The following SNX29 variants were observed in gnomAD, a reference collection of about 807,000 sequenced individuals.
SNX29 encodes the protein sorting nexin 29, also known as sorting nexin-29.
In SNX29, 78 loss-of-function variants were observed where a neutral mutation model predicts 102.1. The observed-to-expected ratio is 0.76, with a 90% confidence interval of 0.64 to 0.92. SNX29 has a LOEUF of 0.92. Ranked by LOEUF, SNX29 falls within the 40% of genes least tolerant of loss-of-function variation. The pLI is 0.00. For synonymous variants in SNX29, 580 were observed against 414.5 expected (o/e 1.40, Z -4.85); for missense variants, 1,280 against 1,061.7 (o/e 1.21, Z -2.86).
In SNX29 at chr16:12,091,362, GT is replaced by G. The variant is rs554917730; in HGVS notation, c.1402+12450del. On this transcript the variant is annotated intron_variant, in intron 11 of 20. Coordinates refer to ENST00000566228, the MANE Select transcript of SNX29 (RefSeq NM_032167.5). Reference sequence around the variant, plus strand: ...ATGTCCCCTTTGCTATAGACTGAATGTTTGTGTGCCCCTAAAATTCCTAGGT... The same window carrying G: ...ATGTCCCCTTTGCTATAGACTGAATGTTGTGTGCCCCTAAAATTCCTAGGT... Among the ~76,000 whole-genome samples, 476 of 152,272 alleles carry G rather than the reference GT, an allele frequency of 3.1e-3. 2 individuals are homozygous for G. The highest frequency in any genetic ancestry group is 0.011 in the African/African-American group (459 of 41,554).
rs759320201 is a variant in SNX29, at chr16:12,524,783, C to T, written c.2260C>T (p.Pro754Ser). The T allele has an allele frequency of 1.2e-6, 2 of 1,613,710 alleles. No individual in the cohort carries two copies. The highest frequency in any genetic ancestry group is 1.7e-5 in the Admixed American group (1 of 59,982). ...CATGAACAAAGTCATCCAGATGGTC[C>T]CCGAGTTCGCTGCCAGCCCCAAGAA... is the stretch of plus-strand genomic sequence containing the variant. ...SVMNKVIQMV[P>S]EFAASPKKET... The change falls in exon 20 of 21, where the codon CCC (proline) becomes TCC (serine). Residue 754 changes from proline (P) to serine (S), a missense_variant. Transcript: ENST00000566228.
intron 20 of SNX29, among the ~76,000 whole-genome samples, chr16:12,563,466 G>T (rs1407577585): frequency 6.6e-6 from 1 of 152,190 alleles, no homozygotes; most frequent in Non-Finnish European, 1.5e-5. Context: ...ACCTAATAGG[G>T]TAAAAGGCTC....
chr16:12,117,206 C>G (rs977580286), intron 11 of SNX29, among the ~76,000 whole-genome samples: 7 of 144,910 alleles, frequency 4.8e-5, no homozygotes, highest in Non-Finnish European at 1.1e-4. Context: ...GCGGATGAAC[C>G]GTGGAAACAG....
At chr16:12,562,427 G>A (rs1040686310) in intron 20 of SNX29, among the ~76,000 whole-genome samples, 1 of 152,152 alleles carries the variant, frequency 6.6e-6, no homozygotes, top group Non-Finnish European at 1.5e-5. Context: ...CACTTAAAGT[G>A]CACACAGCTT....
rs1405484054 is a variant in SNX29 at position 12,390,438 on chromosome 16, T to C, written c.1900-8008T>C. Reference sequence around the variant, plus strand: ...GCCTTAACTGTCTAATGAATTGTGCTGACTGCTGTGTGGAGACTGTCTCTC... The same window carrying C: ...GCCTTAACTGTCTAATGAATTGTGCCGACTGCTGTGTGGAGACTGTCTCTC... On this transcript the variant is annotated intron_variant, in intron 16 of 20. Transcript: ENST00000566228. Among the ~76,000 whole-genome samples the C allele has an allele frequency of 2.6e-5, 4 of 152,338 alleles. No homozygotes were observed. The East Asian group carries it at 7.7e-4, about 29-fold the overall frequency.
rs528770145 is a variant in SNX29, at chr16:12,011,927, A to T, written c.122+8884A>T. Among the ~76,000 whole-genome samples, 3 of 152,200 alleles carry T rather than the reference A, an allele frequency of 2.0e-5. No individual in the cohort carries two copies. In the South Asian group the frequency reaches 6.2e-4, roughly 31 times the overall value. On this transcript the variant is annotated intron_variant, in intron 3 of 20. Transcript: ENST00000566228. ...GTAATAATATTTGCTTGGTACACCC[A>T]GTTAAAACGTAATAAACTCAAAACT... is the stretch of plus-strand genomic sequence containing the variant.
intron 20 of SNX29, among the ~76,000 whole-genome samples, chr16:12,544,215 C>T (rs142081051): frequency 3.3e-5 from 5 of 152,304 alleles, no homozygotes; most frequent in African/African-American, 9.6e-5. Flanking sequence ...ACCGTGACAG[C>T]CGGTTCCTCA....
In SNX29 at chr16:12,569,013, C is replaced by G. The variant is rs1043371727; in HGVS notation, c.*384C>G. On this transcript the variant is annotated 3_prime_UTR_variant, in exon 21 of 21. Coordinates refer to ENST00000566228, the MANE Select transcript of SNX29 (RefSeq NM_032167.5). ...GATCCCCTATATAGGAAGGTTCATGCAGAGCCAGCCTCTCCACTCTTTCCC... is the reference window on the plus strand; with the variant it reads ...GATCCCCTATATAGGAAGGTTCATGGAGAGCCAGCCTCTCCACTCTTTCCC... 1 of 255,934 alleles carries G rather than the reference C, an allele frequency of 3.9e-6. No homozygotes were observed. Among genetic ancestry groups the G allele is most frequent in the Middle Eastern group, 1.1e-3 (1 of 876 alleles). 15.9% of individuals were successfully genotyped at this position (255,934 alleles called of 1,614,324 possible).
At chr16:11,999,433 T>C in intron 2 of SNX29, 75 bp downstream of exon 2, 1 of 1,438,690 alleles carries the variant, frequency 7.0e-7, no homozygotes, top group Non-Finnish European at 9.7e-7. Context: ...ATTTCTTCCC[T>C]ATAACATACA....
chr16:12,566,657 C>A (rs992555061), intron 20 of SNX29, among the ~76,000 whole-genome samples: 1 of 151,584 alleles, frequency 6.6e-6, no homozygotes, highest in Non-Finnish European at 1.5e-5. Context: ...TTGAACCATC[C>A]TCTAAGGAGC....
rs1017572256 is a variant in SNX29, at chr16:12,568,844, G to A, written c.*215G>A. ...CGAGAGACCAAGGCAGCACCTCGCTGGAGAGACTGGGACACACAGTCCTTC... is the reference window on the plus strand; with the variant it reads ...CGAGAGACCAAGGCAGCACCTCGCTAGAGAGACTGGGACACACAGTCCTTC... On this transcript the variant is annotated 3_prime_UTR_variant, in exon 21 of 21. Transcript: ENST00000566228. 2.8e-5 allele frequency: 19 copies of A among 687,400 alleles called. No individual in the cohort carries two copies. Among genetic ancestry groups the A allele is most frequent in the Non-Finnish European group, 4.2e-5 (18 of 425,922 alleles). The allele number at this position is 687,400 out of a possible 1,614,324, so 42.6% of individuals were successfully genotyped here.
chr16:12,302,328 T>C (rs1235408677), intron 15 of SNX29, among the ~76,000 whole-genome samples: 1 of 152,260 alleles, frequency 6.6e-6, no homozygotes, highest in Non-Finnish European at 1.5e-5. Context: ...TCTATGTTTT[T>C]TGCACTGACG....
intron 20 of SNX29, among the ~76,000 whole-genome samples, chr16:12,536,453 C>G (rs962568772): frequency 2.0e-5 from 3 of 152,080 alleles, no homozygotes; most frequent in South Asian, 2.1e-4. Context: ...TTGGGTTTGA[C>G]TCAAGGCTAT....
chr16:11,979,275 CAAAA>C (rs71139569), intron 1 of SNX29, among the ~76,000 whole-genome samples: 8,191 of 61,696 alleles, frequency 0.13, 208 homozygotes, highest in East Asian at 0.33. Context: ...ACTCAGTCTC[CAAAA>C]AAAAAAAAAA....
chr16:12,225,992 C>T lies in SNX29; in HGVS notation c.1678+26309C>T, dbSNP rs531903782. On this transcript the variant is annotated intron_variant, in intron 14 of 20. Transcript: ENST00000566228. ...AACTAGCCAGCATCCAGCCCTCATC[C>T]TCCGGCATTCTAGCAAGGGGCAAAT... Among the ~76,000 whole-genome samples the T allele has an allele frequency of 1.4e-3, 216 of 152,296 alleles. 1 individual carries two copies. The highest frequency in any genetic ancestry group is 2.7e-3 in the Non-Finnish European group (181 of 68,018).
At position 12,096,132 on chromosome 16, in the gene SNX29, A is replaced by C. The variant is rs2052757044; in HGVS notation, c.1402+17217A>C. ...TGCAGTCTGAGCCCCCTGCCCCTTA[A>C]CTGCCGAGAAGTGAACCTAGGTGAC... On this transcript the variant is annotated intron_variant, in intron 11 of 20. Coordinates refer to ENST00000566228, the MANE Select transcript of SNX29 (RefSeq NM_032167.5). The surrounding 1 kb of genome is among the most constrained non-coding windows in gnomAD (Gnocchi z 4.2). 1.3e-5 allele frequency among the ~76,000 whole-genome samples: 2 copies of C among 152,226 alleles called. No homozygotes were observed. Among genetic ancestry groups the C allele is most frequent in the African/African-American group, 4.8e-5 (2 of 41,460 alleles).
chr16:12,001,726 A>C (rs2056294845), intron 2 of SNX29, among the ~76,000 whole-genome samples: 1 of 152,290 alleles, frequency 6.6e-6, no homozygotes, highest in South Asian at 2.1e-4. Flanking sequence ...TTTAAAAGAA[A>C]AGACAAGTAG....
At chr16:12,034,828 T>C (rs1324860355) in intron 4 of SNX29, among the ~76,000 whole-genome samples, 2 of 152,100 alleles carry the variant, frequency 1.3e-5, no homozygotes, top group Non-Finnish European at 2.9e-5. Flanking sequence ...CTGGCCAACA[T>C]GGTGAAACCC....
At chr16:12,535,908 TG>T (rs1165543719) in intron 20 of SNX29, among the ~76,000 whole-genome samples, 1 of 152,170 alleles carries the variant, frequency 6.6e-6, no homozygotes, top group Non-Finnish European at 1.5e-5. Context: ...TGAGGTTAAT[TG>T]AAGAAAGGGC....
Sources: allele counts gnomAD v4.1 joint callset (sites outside exome capture counted in the v4.1 genomes callset), GRCh38; gene constraint gnomAD v4.1.1; non-coding constraint Gnocchi (gnomAD v3.1); transcripts MANE v1.5; gene names NCBI Gene and HGNC (gene_info 2026-07-23, HGNC 2026-07-21).